SAE1: variants seen among roughly 807,000 people sequenced by gnomAD.
SAE1 encodes the protein SUMO1 activating enzyme subunit 1, also known as SUMO-activating enzyme subunit 1.
In SAE1, 11 loss-of-function variants were observed where a neutral mutation model predicts 40.6. That is an observed-to-expected ratio of 0.27 (90% CI 0.17 to 0.45). SAE1 has a LOEUF of 0.45. SAE1 is among the 20% of genes least tolerant of loss of function. The pLI, the probability that SAE1 is intolerant of heterozygous loss-of-function variation, is 1.00. For missense variants in SAE1, 373 were observed against 427.3 expected, an observed-to-expected ratio of 0.87 and a Z score of 1.12; for synonymous variants, 155 against 154.3, an observed-to-expected ratio of 1.00 and a Z score of -0.03.
chr19:47,165,683 C>G (rs971660744), intron 5 of SAE1, among the ~76,000 whole-genome samples: 1 of 152,184 alleles, frequency 6.6e-6, no homozygotes, highest in Non-Finnish European at 1.5e-5. Context: ...GTGGGTAAGA[C>G]AGGTACCACC....
At chr19:47,195,725 CTTTTTTTCTTCTT>C (rs1179037288) in intron 6 of SAE1, among the ~76,000 whole-genome samples, 3 of 140,560 alleles carry the variant, frequency 2.1e-5, no homozygotes, top group Non-Finnish European at 4.5e-5. Context: ...TTTTCCTTTC[CTTTTTTTCTTCTT>C]TTTTTTTTTT....
intron 6 of SAE1, among the ~76,000 whole-genome samples, chr19:47,196,148 C>T (rs2058613253): frequency 6.7e-6 from 1 of 148,788 alleles, no homozygotes; most frequent in Non-Finnish European, 1.5e-5. Flanking sequence ...TGGGTTCAAG[C>T]GATTCTCCTG....
intron 1 of SAE1, among the ~76,000 whole-genome samples, chr19:47,132,570 C>G (rs1194477196): frequency 6.6e-6 from 1 of 151,726 alleles, no homozygotes; most frequent in East Asian, 1.9e-4. Flanking sequence ...AGCTACCATG[C>G]CTGGCCTCAT....
At chr19:47,143,789 T>TG (rs1390591001) in intron 2 of SAE1, among the ~76,000 whole-genome samples, 184 bp downstream of exon 2, 1 of 152,176 alleles carries the variant, frequency 6.6e-6, no homozygotes, top group African/African-American at 2.4e-5. Flanking sequence ...CCACCACATC[T>TG]AGCTGGATGA....
chr19:47,167,454 A>T (rs1003149972), intron 5 of SAE1, among the ~76,000 whole-genome samples: 1 of 149,528 alleles, frequency 6.7e-6, no homozygotes. Context: ...GTTAGCCAGG[A>T]TGGTCTCGAT....
intron 1 of SAE1, among the ~76,000 whole-genome samples, chr19:47,138,670 A>C (rs2058197628): frequency 6.6e-6 from 1 of 152,080 alleles, no homozygotes; most frequent in South Asian, 2.1e-4. Flanking sequence ...CTAATGGAGG[A>C]GGGGGCAGTA....
chr19:47,175,472 T>C (rs112437143), intron 6 of SAE1, among the ~76,000 whole-genome samples: 2,562 of 152,194 alleles, frequency 0.017, 71 homozygotes, highest in African/African-American at 0.059. Context: ...CGCGGTGGCT[T>C]ATGCCTGTAA....
At chr19:47,180,111 A>G (rs1279237831) in intron 6 of SAE1, 2 of 453,958 alleles carry the variant, frequency 4.4e-6, no homozygotes, top group Admixed American at 2.4e-5. Context: ...GTATGTGTGT[A>G]TGCATATCCA....
chr19:47,188,934 C>T (rs1005673093), intron 6 of SAE1, among the ~76,000 whole-genome samples: 9 of 152,312 alleles, frequency 5.9e-5, no homozygotes, highest in Non-Finnish European at 1.0e-4. Flanking sequence ...ATTGCACCCC[C>T]CTGAGGCTCT....
At chr19:47,135,313 C>A (rs1402229750) in intron 1 of SAE1, among the ~76,000 whole-genome samples, 1 of 152,086 alleles carries the variant, frequency 6.6e-6, no homozygotes, top group Non-Finnish European at 1.5e-5. Flanking sequence ...GTCATCCCTC[C>A]TTCCCCTCCA....
chr19:47,169,690 G>T, intron 5 of SAE1, 128 bp from the exon 6 acceptor site: 1 of 700,746 alleles, frequency 1.4e-6, no homozygotes, highest in Non-Finnish European at 2.6e-6. Context: ...GGATCAAATG[G>T]CCCCTGCTTC....
At chr19:47,167,971 T>C (rs2058405144) in intron 5 of SAE1, among the ~76,000 whole-genome samples, 1 of 152,154 alleles carries the variant, frequency 6.6e-6, no homozygotes, top group Non-Finnish European at 1.5e-5. Context: ...GGCAGGCAGA[T>C]CACCTAAGGT....
In SAE1 at chr19:47,203,556, G is replaced by A. The variant is rs79543175; in HGVS notation, c.879-115G>A. On this transcript the variant is annotated intron_variant, in intron 7 of 8. Coordinates refer to ENST00000270225, the MANE Select transcript of SAE1 (RefSeq NM_005500.3). ...GCATTAACACTGCTATCTGAATCGG[G>A]CCCTCCTGCTAGAAGTTGTTTTTAT... 1.4e-3 allele frequency: 1,186 copies of A among 820,588 alleles called. 2 individuals are homozygous for A. Among genetic ancestry groups the A allele is most frequent in the Non-Finnish European group, 2.2e-3 (1,049 of 487,184 alleles). The allele number at this position is 820,588 out of a possible 1,614,324, so 50.8% of individuals were successfully genotyped here.
intron 6 of SAE1, among the ~76,000 whole-genome samples, chr19:47,175,292 T>C (rs574389009): frequency 5.3e-5 from 8 of 152,142 alleles, no homozygotes; most frequent in African/African-American, 1.9e-4. Flanking sequence ...TGACAATCTT[T>C]GAAGTATAGT....
At chr19:47,174,071 A>G (rs1255397378) in intron 6 of SAE1, among the ~76,000 whole-genome samples, 1 of 152,028 alleles carries the variant, frequency 6.6e-6, no homozygotes, top group Admixed American at 6.6e-5. Context: ...GACGTGAGCC[A>G]CTTCGCCCAG....
At chr19:47,195,296 C>T (rs1275191909) in intron 6 of SAE1, among the ~76,000 whole-genome samples, 3 of 152,114 alleles carry the variant, frequency 2.0e-5, no homozygotes, top group Non-Finnish European at 4.4e-5. Context: ...CTCAGATGAT[C>T]CACCCGCCTT....
chr19:47,191,555 G>T (rs1278939888), intron 6 of SAE1, among the ~76,000 whole-genome samples: 2 of 152,202 alleles, frequency 1.3e-5, no homozygotes, highest in Non-Finnish European at 2.9e-5. Context: ...AGGCCTTGCA[G>T]CAGTCACGTG....
intron 6 of SAE1, among the ~76,000 whole-genome samples, chr19:47,173,172 T>G (rs1237712724): frequency 6.6e-6 from 1 of 152,122 alleles, no homozygotes; most frequent in African/African-American, 2.4e-5. Flanking sequence ...CTAATTTTTG[T>G]ATTCTTAGTA....
chr19:47,181,711 T>C (rs2058507624), intron 6 of SAE1, among the ~76,000 whole-genome samples: 3 of 150,542 alleles, frequency 2.0e-5, no homozygotes, highest in African/African-American at 7.3e-5. Flanking sequence ...ACTCCTAGCC[T>C]CAGGTGATCC....
Sources: gnomAD v4.1 joint callset for allele counts (sites outside exome capture counted in the v4.1 genomes callset) on GRCh38, gnomAD v4.1.1 for gene constraint, MANE v1.5 for transcripts, NCBI Gene and HGNC (gene_info 2026-07-23, HGNC 2026-07-21) for gene names.